Variants in XPO6 observed in about 807,000 individuals in gnomAD.
XPO6 encodes the protein exportin-6.
Under a neutral mutation model 130.0 loss-of-function variants are expected in XPO6, and 3 were observed. The observed-to-expected ratio is 0.02, with a 90% CI of 0.01 to 0.06. The LOEUF (loss-of-function observed/expected upper bound fraction) is 0.06. XPO6 is among the 10% of genes least tolerant of loss of function. The pLI, the probability that XPO6 is intolerant of heterozygous loss-of-function variation, is 1.00. For synonymous variants in XPO6, 524 were observed against 548.9 expected, an observed-to-expected ratio of 0.95 and a Z score of 0.63; for missense variants, 970 against 1,393.0, an observed-to-expected ratio of 0.70 and a Z score of 4.83.
chr16:28,174,188 G>A (rs2043499435), intron 4 of XPO6, among the ~76,000 whole-genome samples: 1 of 152,110 alleles, frequency 6.6e-6, no homozygotes, highest in Non-Finnish European at 1.5e-5. Context: ...AGGCCTACTG[G>A]CCTGCTTGCC....
intron 4 of XPO6, among the ~76,000 whole-genome samples, chr16:28,171,793 A>G (rs1487323561): frequency 6.6e-6 from 1 of 152,046 alleles, no homozygotes; most frequent in Non-Finnish European, 1.5e-5. Context: ...AGGACAGGAA[A>G]TTTCTCTTCA....
chr16:28,150,393 G>A lies in XPO6; in HGVS notation c.1224+2266C>T, dbSNP rs137862499. On this transcript the variant is annotated intron_variant, in intron 8 of 23. Transcript: ENST00000304658. The stretch of plus-strand genomic sequence containing the variant: ...ATAAAACCACCATTTTCAATTCGAT[G>A]ACACATAGGAGTCTACTGAAAGAAT... Among the ~76,000 whole-genome samples the A allele has an allele frequency of 1.7e-3, 257 of 152,130 alleles. 2 individuals carry two copies. Among genetic ancestry groups the A allele is most frequent in the African/African-American group, 5.4e-3 (226 of 41,506 alleles).
At chr16:28,206,625 A>G (rs891388140) in intron 1 of XPO6, among the ~76,000 whole-genome samples, 6 of 152,202 alleles carry the variant, frequency 3.9e-5, no homozygotes, top group African/African-American at 1.4e-4. Context: ...TCTTTATACT[A>G]CATTAATTTT....
chr16:28,197,142 C>T (rs887639622), intron 1 of XPO6, among the ~76,000 whole-genome samples: 1 of 151,976 alleles, frequency 6.6e-6, no homozygotes, highest in Non-Finnish European at 1.5e-5. Context: ...ATCCCAGCTA[C>T]TCGGGAGGCT....
intron 9 of XPO6, among the ~76,000 whole-genome samples, chr16:28,145,857 T>C (rs896688358): frequency 6.6e-6 from 1 of 152,128 alleles, no homozygotes; most frequent in Non-Finnish European, 1.5e-5. Flanking sequence ...ATTAAGAACA[T>C]TAACACAAAT....
intron 12 of XPO6, among the ~76,000 whole-genome samples, chr16:28,129,241 A>T: frequency 6.6e-6 from 1 of 152,184 alleles, no homozygotes; most frequent in Non-Finnish European, 1.5e-5. Context: ...AAATACCCCA[A>T]ATCAAATTCT....
intron 17 of XPO6, among the ~76,000 whole-genome samples, chr16:28,109,591 G>GA (rs1431970181): frequency 6.6e-6 from 1 of 152,086 alleles, no homozygotes; most frequent in African/African-American, 2.4e-5. Flanking sequence ...AAACAATCAG[G>GA]CAAAACAAGA....
chr16:28,175,704 T>TC (rs1384565275), intron 4 of XPO6, among the ~76,000 whole-genome samples, 194 bp downstream of exon 4: 2 of 151,988 alleles, frequency 1.3e-5, no homozygotes. Context: ...TAAGTTTTTC[T>TC]CCCCCACTTT....
At chr16:28,160,369 C>A (rs2141834054) in intron 6 of XPO6, among the ~76,000 whole-genome samples, 1 of 151,128 alleles carries the variant, frequency 6.6e-6, no homozygotes, top group African/African-American at 2.4e-5. Context: ...CCGGGCATGG[C>A]AGCTGCCACC....
intron 4 of XPO6, among the ~76,000 whole-genome samples, chr16:28,170,120 G>T (rs1294678597): frequency 6.6e-6 from 1 of 151,992 alleles, no homozygotes; most frequent in African/African-American, 2.4e-5. Flanking sequence ...ATCACCTGAG[G>T]TCGGGAGTTA....
At position 28,107,432 on chromosome 16, in the gene XPO6, G is replaced by A. The variant is rs2086810098; in HGVS notation, c.2497+90C>T. ...CACGGAACAAGTCAAGGCCTGTACT[G>A]CACCGACTCAGTGTGTTCTACAGAT... On this transcript the variant is annotated intron_variant, in intron 18 of 23. Transcript: ENST00000304658. 2.9e-5 allele frequency: 43 copies of A among 1,466,906 alleles called. 1 individual carries two copies. The highest frequency in any genetic ancestry group is 2.9e-5 in the Non-Finnish European group (31 of 1,060,256). The allele number at this position is 1,466,906 out of a possible 1,614,324, so 90.9% of individuals were successfully genotyped here.
intron 5 of XPO6, among the ~76,000 whole-genome samples, chr16:28,167,944 G>T (rs920712246): frequency 1.3e-5 from 2 of 151,878 alleles, no homozygotes; most frequent in Admixed American, 6.6e-5. Flanking sequence ...GGGGCGGGGT[G>T]GGGGAGGGTA....
intron 8 of XPO6, among the ~76,000 whole-genome samples, chr16:28,147,817 C>T (rs988117092): frequency 6.6e-6 from 1 of 152,190 alleles, no homozygotes; most frequent in African/African-American, 2.4e-5. Flanking sequence ...CATGGCGATG[C>T]ACGCCTGTGA....
At chr16:28,204,915 T>C (rs2044004371) in intron 1 of XPO6, among the ~76,000 whole-genome samples, 1 of 152,070 alleles carries the variant, frequency 6.6e-6, no homozygotes, top group South Asian at 2.1e-4. Flanking sequence ...GAGAGAATAA[T>C]GCCAGGCGTG....
At chr16:28,178,887 C>T (rs576426990) in intron 2 of XPO6, among the ~76,000 whole-genome samples, 2 of 151,772 alleles carry the variant, frequency 1.3e-5, no homozygotes, top group African/African-American at 2.4e-5. Context: ...GCCAACATGG[C>T]GAAACCCCGT....
chr16:28,144,803 A>T (rs981627619), intron 9 of XPO6, among the ~76,000 whole-genome samples: 2 of 152,160 alleles, frequency 1.3e-5, no homozygotes, highest in African/African-American at 4.8e-5. Context: ...AACAACTATT[A>T]TTTTCATCCT....
chr16:28,179,051 G>C (rs1421991164), intron 2 of XPO6: 1 of 140,236 alleles, frequency 7.1e-6, no homozygotes, highest in Non-Finnish European at 1.6e-5. Flanking sequence ...TGGCGACAGA[G>C]TGAGGCACCA....
At chr16:28,131,598 C>T (rs977037143) in intron 12 of XPO6, among the ~76,000 whole-genome samples, 103 of 152,168 alleles carry the variant, frequency 6.8e-4, no homozygotes, top group African/African-American at 2.4e-3. Context: ...CCCTATTATA[C>T]CATCATGCGA....
chr16:28,182,674 A>G (rs566934627), intron 1 of XPO6, among the ~76,000 whole-genome samples: 2 of 152,274 alleles, frequency 1.3e-5, no homozygotes, highest in South Asian at 2.1e-4. Flanking sequence ...AAAACTATCT[A>G]TTTTTTCAAA....
Sources: allele counts gnomAD v4.1 joint callset (sites outside exome capture counted in the v4.1 genomes callset), GRCh38; gene constraint gnomAD v4.1.1; transcripts MANE v1.5; gene names NCBI Gene and HGNC (gene_info 2026-07-23, HGNC 2026-07-21).